CFAP61: variants seen among roughly 807,000 people sequenced by gnomAD.
CFAP61 encodes the protein cilia- and flagella-associated protein 61.
A neutral mutation model predicts 135.6 loss-of-function variants in CFAP61; 107 were observed. The observed-to-expected ratio is 0.79, with a 90% CI of 0.67 to 0.93. CFAP61 has a LOEUF of 0.93. Ranked by LOEUF, CFAP61 falls within the 40% of genes least tolerant of loss-of-function variation. CFAP61 has a pLI of 0.00. For missense variants in CFAP61, 1,507 were observed against 1,556.2 expected, an observed-to-expected ratio of 0.97 and a Z score of 0.53; for synonymous variants, 575 against 578.5, an observed-to-expected ratio of 0.99 and a Z score of 0.09.
chr20:20,137,275 C>G (rs1043151023), intron 8 of CFAP61, among the ~76,000 whole-genome samples: 1 of 152,178 alleles, frequency 6.6e-6, no homozygotes, highest in Non-Finnish European at 1.5e-5. Flanking sequence ...TCTCAAGGCC[C>G]TAGGGCTCTG....
intron 22 of CFAP61, among the ~76,000 whole-genome samples, chr20:20,287,021 CAGATATCTTTCTATATATTTATCTG>C (rs752290948): frequency 2.6e-4 from 40 of 152,156 alleles, no homozygotes; most frequent in Non-Finnish European, 2.8e-4. Context: ...AAATTCAAAT[CAGATATCTTTCTATATATTTATCTG>C]GGTAGGAAAT....
intron 9 of CFAP61, among the ~76,000 whole-genome samples, chr20:20,147,764 T>C (rs1007033703): frequency 1.3e-5 from 2 of 152,186 alleles, no homozygotes; most frequent in South Asian, 2.1e-4. Flanking sequence ...AATTTATTTG[T>C]TGGTTTTTTG....
chr20:20,140,109 G>A (rs2051251627), intron 8 of CFAP61, among the ~76,000 whole-genome samples: 1 of 145,186 alleles, frequency 6.9e-6, no homozygotes, highest in Admixed American at 6.9e-5. Flanking sequence ...GAGATGAGGG[G>A]AACCTCTGGG....
intron 17 of CFAP61, chr20:20,222,069 C>A (rs1011527831): frequency 6.6e-6 from 1 of 152,156 alleles, no homozygotes; most frequent in African/African-American, 2.4e-5. Context: ...ATGCTGTTGA[C>A]TGTAAGGCTG....
intron 17 of CFAP61, among the ~76,000 whole-genome samples, chr20:20,223,216 G>A: frequency 6.6e-6 from 1 of 152,170 alleles, no homozygotes; most frequent in East Asian, 1.9e-4. Flanking sequence ...AGTATTTGCA[G>A]ACATTTTTAA....
At chr20:20,093,866 T>C (rs185673338) in intron 7 of CFAP61, among the ~76,000 whole-genome samples, 67 of 152,182 alleles carry the variant, frequency 4.4e-4, no homozygotes, top group Non-Finnish European at 7.6e-4. Flanking sequence ...CATATATTTA[T>C]TTTTAATTTT....
At chr20:20,350,609 A>T (rs2058800259) in intron 26 of CFAP61, among the ~76,000 whole-genome samples, 1 of 152,242 alleles carries the variant, frequency 6.6e-6, no homozygotes, top group Non-Finnish European at 1.5e-5. Context: ...AACCTGGGTG[A>T]CAGAACAAGA....
At chr20:20,281,064 T>G (rs905707550) in intron 22 of CFAP61, among the ~76,000 whole-genome samples, 1 of 152,232 alleles carries the variant, frequency 6.6e-6, no homozygotes, top group East Asian at 1.9e-4. Context: ...TTTTGAAATT[T>G]CCAGTTGATC....
intron 17 of CFAP61, among the ~76,000 whole-genome samples, chr20:20,205,833 T>C (rs534420420): frequency 6.6e-6 from 1 of 152,332 alleles, no homozygotes; most frequent in South Asian, 2.1e-4. Context: ...AAACCTTTGT[T>C]GTTACAAAAT....
intron 14 of CFAP61, among the ~76,000 whole-genome samples, chr20:20,190,262 A>C (rs1039541658): frequency 6.6e-6 from 1 of 152,216 alleles, no homozygotes; most frequent in Non-Finnish European, 1.5e-5. Context: ...ATGTCATGGA[A>C]TACTACTCAG....
At chr20:20,304,549 C>T (rs1351512261) in intron 25 of CFAP61, among the ~76,000 whole-genome samples, 1 of 151,096 alleles carries the variant, frequency 6.6e-6, no homozygotes, top group African/African-American at 2.4e-5. Flanking sequence ...ACTCACACGG[C>T]ACTCACAATG....
intron 25 of CFAP61, 76 bp from the exon 26 acceptor site, chr20:20,341,755 C>CA: frequency 9.6e-7 from 1 of 1,042,520 alleles, no homozygotes; most frequent in Non-Finnish European, 1.5e-6. Context: ...TTTATAAAGG[C>CA]AAAAAAGCAG....
chr20:20,347,932 CAAAAAAAAAAA>C (rs139136148), intron 26 of CFAP61, among the ~76,000 whole-genome samples: 1 of 75,226 alleles, frequency 1.3e-5, no homozygotes, highest in African/African-American at 5.0e-5. Flanking sequence ...GACGCCATCT[CAAAAAAAAAAA>C]AAAAAAAAAA....
intron 9 of CFAP61, among the ~76,000 whole-genome samples, chr20:20,156,006 T>C (rs568392003): frequency 7.9e-5 from 12 of 152,150 alleles, no homozygotes; most frequent in Non-Finnish European, 1.6e-4. Flanking sequence ...ATTGCAAAAA[T>C]ATGGAACCAG....
chr20:20,329,279 A>C (rs898484405), intron 25 of CFAP61, among the ~76,000 whole-genome samples: 1 of 152,142 alleles, frequency 6.6e-6, no homozygotes, highest in African/African-American at 2.4e-5. Context: ...CCAACTGGAC[A>C]TTCCCACTTT....
At chr20:20,157,858 G>A (rs1015655301) in intron 9 of CFAP61, among the ~76,000 whole-genome samples, 3 of 152,120 alleles carry the variant, frequency 2.0e-5, no homozygotes, top group Non-Finnish European at 4.4e-5. Flanking sequence ...GAAAATATTT[G>A]CAAATTACAT....
intron 20 of CFAP61, among the ~76,000 whole-genome samples, chr20:20,262,654 G>T (rs932283819): frequency 6.6e-6 from 1 of 152,150 alleles, no homozygotes; most frequent in African/African-American, 2.4e-5. Flanking sequence ...TCCCCACCTT[G>T]CCCTGTCTGA....
At chr20:20,105,035 C>A (rs1468866201) in intron 8 of CFAP61, among the ~76,000 whole-genome samples, 1 of 152,130 alleles carries the variant, frequency 6.6e-6, no homozygotes, top group Non-Finnish European at 1.5e-5. Flanking sequence ...GGAGGAGGCA[C>A]ACTACAGCCC....
chr20:20,356,988 T>G (rs1438506206), intron 26 of CFAP61, among the ~76,000 whole-genome samples: 1 of 77,256 alleles, frequency 1.3e-5, no homozygotes, highest in Non-Finnish European at 2.5e-5. Context: ...GGGGAGGTGG[T>G]CACACTGTGA....
Sources: gnomAD v4.1 joint callset for allele counts (sites outside exome capture counted in the v4.1 genomes callset) on GRCh38, gnomAD v4.1.1 for gene constraint, MANE v1.5 for transcripts, NCBI Gene and HGNC (gene_info 2026-07-23, HGNC 2026-07-21) for gene names.